The following ZRANB1 variants were observed in gnomAD, a reference collection of about 807,000 sequenced individuals.
ZRANB1 encodes the protein zinc finger RANBP2-type containing 1.
ZRANB1 carries 16 observed loss-of-function variants against 80.5 expected under a neutral mutation model. The observed-to-expected ratio is 0.20, with a 90% CI of 0.13 to 0.30. The LOEUF is 0.30. Ranked by LOEUF, ZRANB1 falls within the 10% of genes least tolerant of loss-of-function variation. The pLI is 1.00. For synonymous variants in ZRANB1, 291 were observed against 293.1 expected (o/e 0.99, Z 0.07); for missense variants, 576 against 862.6 (o/e 0.67, Z 4.16).
At chr10:124,964,016 C>T (rs1461756604) in intron 1 of ZRANB1, among the ~76,000 whole-genome samples, 3 of 152,190 alleles carry the variant, frequency 2.0e-5, no homozygotes, top group Admixed American at 2.0e-4. Flanking sequence ...TTCTCCTCAT[C>T]TTCTGTATGT....
At chr10:124,925,512 T>A in the ZRANB1 span, among the ~76,000 whole-genome samples, 3 of 152,226 alleles carry the variant, frequency 2.0e-5, no homozygotes, top group Non-Finnish European at 4.4e-5. Flanking sequence ...CCTTCCTGTA[T>A]TTGCAAATAC....
At chr10:124,970,255 T>G (rs1214049318) in intron 2 of ZRANB1, among the ~76,000 whole-genome samples, 1 of 151,696 alleles carries the variant, frequency 6.6e-6, no homozygotes, top group Admixed American at 6.6e-5. Flanking sequence ...CACGTAGGAG[T>G]TTTTAAATTT....
chr10:124,955,551 T>G (rs1409707042), intron 1 of ZRANB1, among the ~76,000 whole-genome samples: 1 of 152,216 alleles, frequency 6.6e-6, no homozygotes, highest in Non-Finnish European at 1.5e-5. Flanking sequence ...GTGTGATGCG[T>G]GTGTAGCTAT....
chr10:124,960,881 A>C (rs1951727750), intron 1 of ZRANB1, among the ~76,000 whole-genome samples: 1 of 152,200 alleles, frequency 6.6e-6, no homozygotes, highest in African/African-American at 2.4e-5. Flanking sequence ...GGCAATTGAA[A>C]TTTTTATTTT....
At chr10:124,932,003 T>G in the ZRANB1 span, among the ~76,000 whole-genome samples, 1 of 152,342 alleles carries the variant, frequency 6.6e-6, no homozygotes, top group East Asian at 1.9e-4. Context: ...TGCAATCCCC[T>G]GATCTTTTTA....
At chr10:124,962,712 GTAATATATAA>G (rs1018105470) in intron 1 of ZRANB1, among the ~76,000 whole-genome samples, 16 of 152,178 alleles carry the variant, frequency 1.1e-4, no homozygotes, top group African/African-American at 3.6e-4. Flanking sequence ...GGTTTAGCTA[GTAATATATAA>G]TATAGTGGCT....
chr10:124,971,301 T>C (rs1227787558), intron 2 of ZRANB1, among the ~76,000 whole-genome samples: 1 of 152,270 alleles, frequency 6.6e-6, no homozygotes, highest in Non-Finnish European at 1.5e-5. Flanking sequence ...AAGAAAGTTC[T>C]AGCCTTCTTT....
the ZRANB1 span, among the ~76,000 whole-genome samples, chr10:124,934,886 TAAGG>T: frequency 6.6e-6 from 1 of 152,122 alleles, no homozygotes; most frequent in Non-Finnish European, 1.5e-5. Context: ...TTCAGAAAGA[TAAGG>T]AAGCCAACAA....
At chr10:124,980,785 C>T (rs1232043188) in intron 5 of ZRANB1, among the ~76,000 whole-genome samples, 1 of 151,784 alleles carries the variant, frequency 6.6e-6, no homozygotes, top group Non-Finnish European at 1.5e-5. Context: ...TTTTTTTCCC[C>T]CCGCAATATA....
At position 124,942,343 on chromosome 10, in the gene ZRANB1, C is replaced by T; in HGVS notation, c.-151C>T. ...AGGATAATTCAATGTCGAAATGTTG[C>T]ATGCATCTTTTGAGAAATTTATATT... is the stretch of plus-strand genomic sequence containing the variant. On this transcript the variant is annotated 5_prime_UTR_variant, in exon 1 of 9. Coordinates refer to ENST00000359653, the MANE Select transcript of ZRANB1 (RefSeq NM_017580.3). 1 of 1,435,028 alleles carries T rather than the reference C, an allele frequency of 7.0e-7. No homozygotes were observed. Among genetic ancestry groups the T allele is most frequent in the Non-Finnish European group, 9.1e-7 (1 of 1,098,998 alleles). The allele number at this position is 1,435,028 out of a possible 1,614,324, so 88.9% of individuals were successfully genotyped here. A position where few individuals can be genotyped will look rare whatever the true frequency, so the allele number is the denominator to read the frequency against.
chr10:124,932,725 G>A, the ZRANB1 span, among the ~76,000 whole-genome samples: 1 of 148,912 alleles, frequency 6.7e-6, no homozygotes, highest in Non-Finnish European at 1.5e-5. Flanking sequence ...ATGATGTATG[G>A]TGTATTTTTG....
intron 1 of ZRANB1, among the ~76,000 whole-genome samples, chr10:124,962,876 G>T (rs1400884147): frequency 6.6e-6 from 1 of 152,120 alleles, no homozygotes; most frequent in Non-Finnish European, 1.5e-5. Flanking sequence ...AATCGTCCCA[G>T]AGTGGCTTCA....
the ZRANB1 span, among the ~76,000 whole-genome samples, chr10:124,936,731 C>T: frequency 6.6e-6 from 1 of 152,076 alleles, no homozygotes; most frequent in South Asian, 2.1e-4. Flanking sequence ...TTTTTATTTA[C>T]AGAAATTTTA....
chr10:124,942,737 A>G lies in ZRANB1; in HGVS notation c.244A>G (p.Met82Val). ...ARPRVKSSYS[M>V]ENANKWSCHM... is the part of the protein sequence containing the mutation. ...ACCAAGGGTGAAATCTTCGTATAGC[A>G]TGGAAAATGCAAATAAGTGGTCATG... Residue 82 changes from methionine (M) to valine (V), a missense_variant, in exon 1 of 9, where the codon ATG (methionine) becomes GTG (valine). Met to Val is a conservative substitution (Grantham distance 21, BLOSUM62 1). Coordinates refer to ENST00000359653, the MANE Select transcript of ZRANB1 (RefSeq NM_017580.3). The G allele has an allele frequency of 6.2e-7, 1 of 1,614,242 alleles. No individual in the cohort carries two copies. The highest frequency in any genetic ancestry group is 8.5e-7 in the Non-Finnish European group (1 of 1,180,048).
At position 124,987,105 on chromosome 10, in the gene ZRANB1, G is replaced by C. The variant is rs1248029718; in HGVS notation, c.*2113G>C. 1 of 152,602 alleles carries C rather than the reference G, an allele frequency of 6.6e-6. No homozygotes were observed. Among genetic ancestry groups the C allele is most frequent in the Non-Finnish European group, 1.5e-5 (1 of 68,042 alleles). 9.5% of individuals were successfully genotyped at this position (152,602 alleles called of 1,614,324 possible). A position where few individuals can be genotyped will look rare whatever the true frequency, so the allele number is the denominator to read the frequency against. On this transcript the variant is annotated 3_prime_UTR_variant, in exon 9 of 9. Transcript: ENST00000359653. ...AATGGGGCTCTAAATGGTTTTCATA[G>C]ACTGGCTGTTAAAGGCCAAAAATTT...
chr10:124,937,716 A>G (rs898115670), upstream of ZRANB1, among the ~76,000 whole-genome samples: 1 of 152,190 alleles, frequency 6.6e-6, no homozygotes, highest in Non-Finnish European at 1.5e-5. Context: ...CACTTTTATT[A>G]TCTGAATTGG....
chr10:124,954,183 A>G (rs1295944056), intron 1 of ZRANB1, among the ~76,000 whole-genome samples: 2 of 82,774 alleles, frequency 2.4e-5, no homozygotes, highest in African/African-American at 5.5e-5. Context: ...GCGGGGTTTC[A>G]CCATGTTGCC....
chr10:124,953,091 ATTTT>A (rs368258624), intron 1 of ZRANB1, among the ~76,000 whole-genome samples: 1 of 131,614 alleles, frequency 7.6e-6, no homozygotes, highest in Non-Finnish European at 1.6e-5. Context: ...TGCCTGGCTA[ATTTT>A]TTTTTTTTTT....
At chr10:124,926,609 GCTT>G in the ZRANB1 span, among the ~76,000 whole-genome samples, 7 of 152,230 alleles carry the variant, frequency 4.6e-5, no homozygotes, top group East Asian at 1.2e-3. Flanking sequence ...CCTGCCTAGG[GCTT>G]CTTTACAGTA....
Sources: gnomAD v4.1 joint callset for allele counts (sites outside exome capture counted in the v4.1 genomes callset) on GRCh38, gnomAD v4.1.1 for gene constraint, MANE v1.5 for transcripts, NCBI Gene and HGNC (gene_info 2026-07-23, HGNC 2026-07-21) for gene names.